CALN1: variants seen among roughly 807,000 people sequenced by gnomAD.
The protein encoded by CALN1 is calneuron 1, also known as calcium-binding protein 8.
Under a neutral mutation model 30.6 loss-of-function variants are expected in CALN1, and 17 were observed. The ratio of observed to expected loss-of-function variants is 0.56; its 90% CI spans 0.38 to 0.83. The LOEUF (loss-of-function observed/expected upper bound fraction) is 0.83, where lower values mean the gene tolerates loss of function less well. CALN1 is among the 40% of genes least tolerant of loss of function. CALN1 has a pLI of 0.00. For synonymous variants in CALN1, 156 were observed against 131.4 expected (o/e 1.19, Z -1.28); for missense variants, 291 against 354.9 (o/e 0.82, Z 1.45).
intron 4 of CALN1, among the ~76,000 whole-genome samples, chr7:72,099,859 G>A (rs185593111): frequency 6.6e-6 from 1 of 152,158 alleles, no homozygotes; most frequent in South Asian, 2.1e-4. Context: ...ATAGAAATTC[G>A]CTGCAAGATT....
intron 3 of CALN1, among the ~76,000 whole-genome samples, chr7:72,156,410 G>A (rs566350333): frequency 7.2e-5 from 11 of 152,298 alleles, no homozygotes; most frequent in African/African-American, 2.6e-4. Context: ...GCACTCTCCG[G>A]CAGCATCTGC....
the CALN1 span, among the ~76,000 whole-genome samples, chr7:72,453,119 G>T: frequency 1.3e-5 from 2 of 152,188 alleles, no homozygotes; most frequent in African/African-American, 4.8e-5. Flanking sequence ...CTTTCCCCCA[G>T]CCCTAGTGGT....
At chr7:72,318,740 C>G in intron 2 of CALN1, among the ~76,000 whole-genome samples, 2 of 96,286 alleles carry the variant, frequency 2.1e-5, no homozygotes, top group Non-Finnish European at 3.7e-5. Context: ...TTTGTAGAGA[C>G]AGGGTCTCGC....
At chr7:72,467,513 G>A in the CALN1 span, among the ~76,000 whole-genome samples, 1 of 152,130 alleles carries the variant, frequency 6.6e-6, no homozygotes, top group Non-Finnish European at 1.5e-5. Flanking sequence ...CAGCTGGCTG[G>A]TGGCGGTCTC....
chr7:72,112,602 G>T (rs552736909), intron 3 of CALN1, among the ~76,000 whole-genome samples: 1 of 152,212 alleles, frequency 6.6e-6, no homozygotes, highest in South Asian at 2.1e-4. Context: ...ATTGGGCAGG[G>T]ACTGAGCCTA....
intron 3 of CALN1, among the ~76,000 whole-genome samples, chr7:72,140,917 C>T (rs1809884346): frequency 6.6e-6 from 1 of 152,244 alleles, no homozygotes; most frequent in Non-Finnish European, 1.5e-5. Context: ...CCTGTGGCAG[C>T]TGGTTCCCCA....
chr7:71,934,453 T>TACAAGCAGGATGTACAAGC (rs1795725069), intron 5 of CALN1, among the ~76,000 whole-genome samples: 1 of 152,186 alleles, frequency 6.6e-6, no homozygotes, highest in Non-Finnish European at 1.5e-5. Flanking sequence ...ATGGTGCCTG[T>TACAAGCAGGATGTACAAGC]ATCTACTTGG....
intron 2 of CALN1, among the ~76,000 whole-genome samples, chr7:72,397,366 G>A (rs1039053350): frequency 1.3e-5 from 2 of 152,134 alleles, no homozygotes; most frequent in Non-Finnish European, 1.5e-5. Context: ...TGAGGCCACA[G>A]GAGTCAAAGT....
At chr7:72,403,755 A>G (rs998364125) in intron 1 of CALN1, among the ~76,000 whole-genome samples, 1 of 152,170 alleles carries the variant, frequency 6.6e-6, no homozygotes, top group East Asian at 1.9e-4. Flanking sequence ...GGAGAAAGCT[A>G]TAGCCGCCAA....
intron 6 of CALN1, among the ~76,000 whole-genome samples, chr7:71,789,426 T>G (rs773102867): frequency 2.6e-5 from 4 of 151,946 alleles, no homozygotes; most frequent in Non-Finnish European, 5.9e-5. Context: ...CAAAAAAACA[T>G]GCAGATTCTT....
chr7:72,069,884 T>A (rs1017216062), intron 4 of CALN1, among the ~76,000 whole-genome samples: 3 of 152,120 alleles, frequency 2.0e-5, no homozygotes, highest in African/African-American at 4.8e-5. Context: ...ATAAGTGGCA[T>A]AATGAGTGCA....
At chr7:71,899,198 T>C (rs1338747645) in intron 5 of CALN1, among the ~76,000 whole-genome samples, 2 of 149,578 alleles carry the variant, frequency 1.3e-5, no homozygotes, top group Non-Finnish European at 3.0e-5. Context: ...GGCTGGAGTG[T>C]AATGGCGCGA....
chr7:72,405,605 C>T (rs1237065853), intron 1 of CALN1, among the ~76,000 whole-genome samples: 3 of 152,130 alleles, frequency 2.0e-5, no homozygotes, highest in Non-Finnish European at 4.4e-5. Flanking sequence ...TTCACACACA[C>T]TACAACGCCC....
chr7:71,906,615 C>A (rs1050984727), intron 5 of CALN1, among the ~76,000 whole-genome samples: 1 of 152,138 alleles, frequency 6.6e-6, no homozygotes, highest in Non-Finnish European at 1.5e-5. Context: ...CTGATGGTGA[C>A]AAGCTTGATG....
chr7:72,305,631 T>C (rs1465118407), intron 2 of CALN1, among the ~76,000 whole-genome samples: 1 of 152,178 alleles, frequency 6.6e-6, no homozygotes, highest in African/African-American at 2.4e-5. Flanking sequence ...CTACGGGAAA[T>C]AACTGCACAC....
intron 2 of CALN1, among the ~76,000 whole-genome samples, chr7:72,295,492 T>C (rs1245293533): frequency 1.3e-5 from 2 of 151,686 alleles, no homozygotes. Flanking sequence ...TTCCTACCCA[T>C]GAGCATGGAG....
At chr7:72,299,896 T>G (rs925585788) in intron 2 of CALN1, among the ~76,000 whole-genome samples, 5 of 151,974 alleles carry the variant, frequency 3.3e-5, no homozygotes, top group African/African-American at 1.2e-4. Flanking sequence ...GTTTTGTTTT[T>G]TTGTTTGTTG....
intron 5 of CALN1, among the ~76,000 whole-genome samples, chr7:71,846,943 ATAT>A (rs1790297700): frequency 6.9e-6 from 1 of 145,394 alleles, no homozygotes; most frequent in Non-Finnish European, 1.5e-5. Flanking sequence ...ACATATATGT[ATAT>A]ATACATATAT....
chr7:71,960,972 A>G (rs1282869812), intron 5 of CALN1, among the ~76,000 whole-genome samples: 2 of 152,066 alleles, frequency 1.3e-5, no homozygotes, highest in African/African-American at 4.8e-5. Context: ...TTGTGACACC[A>G]CACCTGGCTA....
Sources: gnomAD v4.1 joint callset for allele counts (sites outside exome capture counted in the v4.1 genomes callset) on GRCh38, gnomAD v4.1.1 for gene constraint, MANE v1.5 for transcripts, NCBI Gene and HGNC (gene_info 2026-07-23, HGNC 2026-07-21) for gene names.